Variants in MPZ observed in about 807,000 individuals in gnomAD.
MPZ encodes the protein myelin protein zero.
MPZ carries 13 observed loss-of-function variants against 27.9 expected under a neutral mutation model. The observed-to-expected ratio is 0.47, with a 90% CI of 0.30 to 0.74. The LOEUF (loss-of-function observed/expected upper bound fraction) is 0.74. Ranked by LOEUF, MPZ falls within the 30% of genes least tolerant of loss-of-function variation. The pLI is 0.06. For missense variants in MPZ, 256 were observed against 317.5 expected, an observed-to-expected ratio of 0.81 and a Z score of 1.47; for synonymous variants, 118 against 128.9, an observed-to-expected ratio of 0.92 and a Z score of 0.57.
Position 161,307,276 on chromosome 1 carries a change from C to A in MPZ, c.216G>T (p.Gly72=). 6.2e-7 allele frequency: 1 copy of A among 1,614,252 alleles called. No individual in the cohort carries two copies. Among genetic ancestry groups the A allele is most frequent in the Non-Finnish European group, 8.5e-7 (1 of 1,180,054 alleles). ...ISFTWRYQPE[G]GRDAISIFHY... The stretch of plus-strand genomic sequence containing the variant: ...CACTCACCGAAATGGCATCTCTGCC[C>A]CCTTCGGGCTGGTAGCGCCAGGTGA... Residue 72 remains glycine, a synonymous_variant, in exon 2 of 6, where the codon GGG becomes GGT. Transcript: ENST00000533357.
At chr1:161,309,552 A>ATATATATATATATATATATTTTTTTTT in intron 1 of MPZ, among the ~76,000 whole-genome samples, 8 of 80,656 alleles carry the variant, frequency 9.9e-5, no homozygotes, top group African/African-American at 2.9e-4. Context: ...ATATATATAT[A>ATATATATATATATATATATTTTTTTTT]TTTTTTTTTT....
At position 161,309,882 on chromosome 1, in the gene MPZ, G is replaced by A. The variant is rs144841836; in HGVS notation, c.24C>T (p.Ser8=). 3.3e-4 allele frequency: 524 copies of A among 1,589,372 alleles called. No homozygotes were observed. Among genetic ancestry groups the A allele is most frequent in the Non-Finnish European group, 4.1e-4 (481 of 1,169,048 alleles). ...GCACAGCCAGGATAGGGCTGGGGCT[G>A]GATGAGGGAGCCCCAGGAGCCATAG... MAPGAPS[S]SPSPILAVLL... The change falls in exon 1 of 6, where the codon TCC becomes TCT. Residue 8 remains serine (S), a synonymous_variant. Transcript: ENST00000533357.
chr1:161,306,596 C>A, intron 3 of MPZ, 112 bp downstream of exon 3: 1 of 1,545,658 alleles, frequency 6.5e-7, no homozygotes, highest in Non-Finnish European at 8.9e-7. Flanking sequence ...GCTCCCAGAG[C>A]CTGAATAAAG....
intron 1 of MPZ, among the ~76,000 whole-genome samples, chr1:161,308,321 G>GAC (rs966237456): frequency 2.0e-5 from 3 of 152,120 alleles, no homozygotes; most frequent in African/African-American, 4.8e-5. Context: ...CAGCTCAGAT[G>GAC]ACCCTACATG....
intron 1 of MPZ, 43 bp from the exon 2 acceptor site, chr1:161,307,467 G>GT (rs1558154807): frequency 1.2e-6 from 2 of 1,609,964 alleles, no homozygotes; most frequent in African/African-American, 2.7e-5. Flanking sequence ...TATGGGCCCA[G>GT]TAAGGGATAC....
At chr1:161,308,272 AC>A (rs1265834504) in intron 1 of MPZ, among the ~76,000 whole-genome samples, 3 of 151,930 alleles carry the variant, frequency 2.0e-5, no homozygotes, top group Non-Finnish European at 4.4e-5. Flanking sequence ...AGGGCCTCAT[AC>A]CCCTCTCAGC....
chr1:161,309,243 G>A (rs1411125425), intron 1 of MPZ, among the ~76,000 whole-genome samples: 1 of 152,158 alleles, frequency 6.6e-6, no homozygotes, highest in Admixed American at 6.6e-5. Context: ...ACAAACCTGG[G>A]CTCCTTACTT....
At chr1:161,309,016 AG>A (rs1462030444) in intron 1 of MPZ, among the ~76,000 whole-genome samples, 3 of 152,170 alleles carry the variant, frequency 2.0e-5, no homozygotes, top group Non-Finnish European at 4.4e-5. Flanking sequence ...ACTAGGATTC[AG>A]GGCAGTTCAG....
chr1:161,306,006 C>A (rs61458643), intron 5 of MPZ, 29 bp from the exon 6 acceptor site: 2 of 1,609,000 alleles, frequency 1.2e-6, no homozygotes, highest in Non-Finnish European at 1.7e-6. Context: ...CATCAGTCAC[C>A]GAGCGACTGG....
intron 1 of MPZ, 27 bp downstream of exon 1, chr1:161,309,812 C>T (rs1257933485): frequency 3.9e-6 from 6 of 1,555,238 alleles, no homozygotes; most frequent in Non-Finnish European, 5.2e-6. Context: ...AGTCCCAAGA[C>T]TCCCAGAGTA....
intron 1 of MPZ, among the ~76,000 whole-genome samples, chr1:161,308,828 CCCTT>C (rs1390161692): frequency 6.6e-6 from 1 of 152,140 alleles, no homozygotes; most frequent in Admixed American, 6.5e-5. Context: ...CCTCACTATG[CCCTT>C]CTCCAACTCT....
At chr1:161,307,915 A>G (rs1670302533) in intron 1 of MPZ, among the ~76,000 whole-genome samples, 1 of 152,226 alleles carries the variant, frequency 6.6e-6, no homozygotes, top group Admixed American at 6.5e-5. Context: ...CAAGTTATCC[A>G]TTTAATATGA....
chr1:161,306,275 C>T, intron 4 of MPZ, 54 bp downstream of exon 4: 1 of 1,613,572 alleles, frequency 6.2e-7, no homozygotes, highest in Non-Finnish European at 8.5e-7. Flanking sequence ...GTAGTCTCCG[C>T]CCAGATGGGG....
chr1:161,304,222 T>C (rs1419406184), downstream of MPZ, among the ~76,000 whole-genome samples: 1 of 152,212 alleles, frequency 6.6e-6, no homozygotes, highest in African/African-American at 2.4e-5. Flanking sequence ...ATTTGTAAAG[T>C]GTACTACCTT....
intron 2 of MPZ, 127 bp from the exon 3 acceptor site, chr1:161,307,048 CA>C (rs1670277221): frequency 2.1e-6 from 2 of 963,736 alleles, no homozygotes; most frequent in Admixed American, 2.6e-5. Flanking sequence ...AGCTTCGCTC[CA>C]GCCTCAGGGT....
rs376976260 is a variant in MPZ, at chr1:161,309,567, G to T, written c.67+272C>A. ...ATATATATATATTTTTTTTTTTTTT[G>T]AATTTTACAGATGGAGTCTGGTTAT... On this transcript the variant is annotated intron_variant, in intron 1 of 5. Transcript: ENST00000533357. Among the ~76,000 whole-genome samples, 8,889 of 49,974 alleles carry T rather than the reference G, an allele frequency of 0.18. 339 individuals carry two copies. The highest frequency in any genetic ancestry group is 0.27 in the South Asian group (546 of 1,990). The allele number at this position is 49,974 out of a possible 152,430, so 32.8% of individuals were successfully genotyped here.
At chr1:161,309,552 A>ATATATATATATATTTTTTTTTTTTTTTTT in intron 1 of MPZ, among the ~76,000 whole-genome samples, 1 of 80,638 alleles carries the variant, frequency 1.2e-5, no homozygotes, top group Non-Finnish European at 2.4e-5. Context: ...ATATATATAT[A>ATATATATATATATTTTTTTTTTTTTTTTT]TTTTTTTTTT....
At chr1:161,308,527 A>G (rs566331828) in intron 1 of MPZ, among the ~76,000 whole-genome samples, 3 of 152,056 alleles carry the variant, frequency 2.0e-5, no homozygotes, top group Non-Finnish European at 4.4e-5. Context: ...CCATTGTCTG[A>G]CCAACGCTGG....
intron 1 of MPZ, among the ~76,000 whole-genome samples, chr1:161,307,818 A>G (rs1670300974): frequency 6.6e-6 from 1 of 152,200 alleles, no homozygotes; most frequent in African/African-American, 2.4e-5. Context: ...CTTCTTATAA[A>G]CTATTCAAGC....
Sources: allele counts gnomAD v4.1 joint callset (sites outside exome capture counted in the v4.1 genomes callset), GRCh38; gene constraint gnomAD v4.1.1; transcripts MANE v1.5; gene names NCBI Gene and HGNC (gene_info 2026-07-23, HGNC 2026-07-21).